The following STX2 variants were observed in gnomAD, a reference collection of about 807,000 sequenced individuals.
STX2 encodes syntaxin-2.
STX2 carries 27 observed loss-of-function variants against 40.6 expected under a neutral mutation model. The observed-to-expected ratio is 0.66, with a 90% CI of 0.49 to 0.92. The LOEUF (loss-of-function observed/expected upper bound fraction) is 0.92. Among genes scored for constraint, STX2 ranks in the 40% least tolerant of loss-of-function variants. STX2 has a pLI of 0.00. For synonymous variants in STX2, 123 were observed against 119.1 expected, an observed-to-expected ratio of 1.03 and a Z score of -0.22; for missense variants, 328 against 366.1, an observed-to-expected ratio of 0.90 and a Z score of 0.85.
intron 9 of STX2, among the ~76,000 whole-genome samples, chr12:130,796,834 G>C (rs1192730796): frequency 6.6e-6 from 1 of 152,046 alleles, no homozygotes; most frequent in African/African-American, 2.4e-5. Context: ...GTTCTTGGCA[G>C]TTACTTCTTC....
In STX2 at chr12:130,839,210, C is replaced by G. The variant is rs1243651144; in HGVS notation, c.-111G>C. 4.1e-6 allele frequency: 4 copies of G among 975,082 alleles called. No individual in the cohort carries two copies. The African/African-American group carries it at 5.2e-5, about 13-fold the overall frequency. 60.4% of individuals were successfully genotyped at this position (975,082 alleles called of 1,614,324 possible). ...CAGGCCCCGCGGTCCCGGCCCGGCG[C>G]CAGCAGCCCTCCCTGGAGCCGGCGC... On this transcript the variant is annotated 5_prime_UTR_variant, in exon 1 of 11. Transcript: ENST00000392373.
chr12:130,821,765 AAT>A lies in STX2; in HGVS notation c.127_128del (p.Ile43Ter). ...CTTCAACATATTGAGTTATTTTATC[AAT>A]ACTGTTTCTAATCTCCTCCACCTAG... Reference protein sequence around the residue: ...FHQVEEIRNSIDKITQYVEEV... With the variant: ...FHQVEEIRNSXDKITQYVEEV... On this transcript the variant is annotated frameshift_variant, in exon 3 of 11. Coordinates refer to ENST00000392373, the MANE Select transcript of STX2 (RefSeq NM_194356.4). LOFTEE classifies it high-confidence loss of function. 6.2e-7 allele frequency: 1 copy of A among 1,612,740 alleles called. No individual in the cohort carries two copies.
At position 130,798,534 on chromosome 12, in the gene STX2, C is replaced by A. The variant is rs1419554130; in HGVS notation, c.777G>T (p.Lys259Asn). The A allele has an allele frequency of 1.9e-6, 3 of 1,599,052 alleles. No individual in the cohort carries two copies. The highest frequency in any genetic ancestry group is 2.6e-6 in the Non-Finnish European group (3 of 1,175,842). The part of the protein sequence containing the change: ...ETKKAIKYQS[K>N]ARRKKWIIIA... ...TCGAAGCCAAACTCACCCTTCTTGC[C>A]TTGCTCTGATATTTGATAGCTTTTT... The change falls in exon 9 of 11, where the codon AAG becomes AAT. Residue 259 changes from lysine to asparagine, a missense_variant. By Grantham distance (94) the Lys-to-Asn change is moderately conservative. Coordinates refer to ENST00000392373, the MANE Select transcript of STX2 (RefSeq NM_194356.4).
In STX2 at chr12:130,827,241, T is replaced by C. The variant is rs202144046; in HGVS notation, c.57A>G (p.Thr19=). 28 of 1,613,782 alleles carry C rather than the reference T, an allele frequency of 1.7e-5. No homozygotes were observed. The Admixed American group carries it at 4.5e-4, about 26-fold the overall frequency. Residue 19 remains threonine, a synonymous_variant, in exon 2 of 11, where the codon ACA becomes ACG. Transcript: ENST00000392373. ...AATGATCTTTCTCAACCACAACAAC[T>C]GTGTCTCCATCATCATTCTTCCTAC... ...TACRKNDDGD[T]VVVVEKDHFM...
chr12:130,825,079 C>T (rs943427725), intron 2 of STX2, among the ~76,000 whole-genome samples: 3 of 151,532 alleles, frequency 2.0e-5, no homozygotes, highest in Non-Finnish European at 4.4e-5. Context: ...GCTGTTGCCC[C>T]AAGCCGGGGT....
chr12:130,791,839 G>T lies in STX2; in HGVS notation c.*184C>A. ...AGATTCATTCACGAAATGACAGGAT[G>T]CTGATTTGGTTGCAGATGTGGTCTG... On this transcript the variant is annotated 3_prime_UTR_variant, in exon 11 of 11. Transcript: ENST00000392373. 2.1e-6 allele frequency: 3 copies of T among 1,397,206 alleles called. No homozygotes were observed. Among genetic ancestry groups the T allele is most frequent in the Non-Finnish European group, 3.0e-6 (3 of 987,022 alleles). The allele number at this position is 1,397,206 out of a possible 1,614,324, so 86.6% of individuals were successfully genotyped here.
chr12:130,821,632 A>G, intron 3 of STX2, 57 bp downstream of exon 3: 1 of 1,400,636 alleles, frequency 7.1e-7, no homozygotes, highest in South Asian at 1.2e-5. Flanking sequence ...TGTGCCGCAG[A>G]CAGCCAGAGG....
chr12:130,811,012 A>G (rs1358650563), intron 4 of STX2: 1 of 152,182 alleles, frequency 6.6e-6, no homozygotes, highest in Non-Finnish European at 1.5e-5. Flanking sequence ...CAAACTACCC[A>G]ATTCAAGAGT....
In STX2 at chr12:130,793,009, G is replaced by A. The variant is rs77795331; in HGVS notation, c.*46-1032C>T. Reference sequence around the variant, plus strand: ...CACAACAGGAGGCACCGCGCTGTAGGACTTTGAGTTCTCTTTTTGAACAGC... The same window carrying A: ...CACAACAGGAGGCACCGCGCTGTAGAACTTTGAGTTCTCTTTTTGAACAGC... On this transcript the variant is annotated intron_variant, in intron 10 of 10. Coordinates refer to ENST00000392373, the MANE Select transcript of STX2 (RefSeq NM_194356.4). Among the ~76,000 whole-genome samples, 679 of 152,332 alleles carry A rather than the reference G, an allele frequency of 4.5e-3. 9 individuals carry two copies. Among genetic ancestry groups the A allele is most frequent in the African/African-American group, 0.016 (651 of 41,572 alleles).
At chr12:130,801,556 C>T in intron 6 of STX2, 68 bp from the exon 7 acceptor site, 1 of 1,446,814 alleles carries the variant, frequency 6.9e-7, no homozygotes, top group Non-Finnish European at 9.2e-7. Flanking sequence ...CATTTGCAAC[C>T]ATAAGTTAGC....
Position 130,796,102 on chromosome 12 carries a change from C to T in STX2, c.805G>A (p.Ala269Thr). Reference protein sequence around the residue: ...KARRKKWIIIAVSVVLVAIIA... With the variant: ...KARRKKWIIITVSVVLVAIIA... ...ATGGCAACCAGAACCACTGACACAG[C>T]AATAATTATCCACTTTTTCTGTCAA... The change falls in exon 10 of 11, where the codon GCT becomes ACT. Residue 269 changes from alanine to threonine, a missense_variant. Coordinates refer to ENST00000392373, the MANE Select transcript of STX2 (RefSeq NM_194356.4). The T allele has an allele frequency of 6.2e-7, 1 of 1,613,780 alleles. No individual in the cohort carries two copies. Among genetic ancestry groups the T allele is most frequent in the Non-Finnish European group, 8.5e-7 (1 of 1,179,856 alleles).
At chr12:130,826,378 C>T (rs763504649) in intron 2 of STX2, among the ~76,000 whole-genome samples, 54 of 152,302 alleles carry the variant, frequency 3.5e-4, no homozygotes, top group Middle Eastern at 3.4e-3. Context: ...TCTTAAGGGG[C>T]GCCGCAGGAC....
In STX2 at chr12:130,808,628, A is replaced by C; in HGVS notation, c.354+3T>G. 1 of 1,612,328 alleles carries C rather than the reference A, an allele frequency of 6.2e-7. No individual in the cohort carries two copies. The highest frequency in any genetic ancestry group is 8.5e-7 in the Non-Finnish European group (1 of 1,179,574). On this transcript the variant is annotated splice_donor_region_variant and intron_variant, in intron 5 of 10. Transcript: ENST00000392373. ...TTTAATCTAAACGAGGCTGATAGCA[A>C]ACCTGGGTTCTTCGTATCCGAAGAT...
chr12:130,794,877 G>C (rs1291027419), intron 10 of STX2, among the ~76,000 whole-genome samples: 1 of 152,158 alleles, frequency 6.6e-6, no homozygotes, highest in African/African-American at 2.4e-5. Flanking sequence ...CCACACTCTA[G>C]ACACCTGGGA....
In STX2 at chr12:130,818,188, ATATATATATAT is replaced by A. The variant is rs1565924675; in HGVS notation, c.205+3490_205+3500del. Among the ~76,000 whole-genome samples the A allele has an allele frequency of 6.8e-4, 45 of 66,236 alleles. 2 individuals are homozygous for A. The highest frequency in any genetic ancestry group is 2.2e-3 in the Admixed American group (13 of 5,926). The allele number at this position is 66,236 out of a possible 152,430, so 43.5% of individuals were successfully genotyped here. On this transcript the variant is annotated intron_variant, in intron 3 of 10. Transcript: ENST00000392373. ...GTTTCTACAAAAAAAAAAAAAAAAT[ATATATATATAT>A]ATATATATATATATATATAAAATTA...
Position 130,811,597 on chromosome 12 carries a change from T to C in STX2, c.280+1360A>G, listed in dbSNP as rs1284614770. Among the ~76,000 whole-genome samples, 4 of 138,544 alleles carry C rather than the reference T, an allele frequency of 2.9e-5. No homozygotes were observed. The East Asian group carries it at 6.3e-4, about 22-fold the overall frequency. The allele number at this position is 138,544 out of a possible 152,430, so 90.9% of individuals were successfully genotyped here. A position where few individuals can be genotyped will look rare whatever the true frequency, so the allele number is the denominator to read the frequency against. ...CTCTGTCGCCCAGGCTGGAGTGCAG[T>C]GGCGTGATCTCGGCTCACTGCAAGC... On this transcript the variant is annotated intron_variant, in intron 4 of 10. Transcript: ENST00000392373.
chr12:130,808,457 A>C (rs1565913960), intron 5 of STX2, among the ~76,000 whole-genome samples, 174 bp downstream of exon 5: 1 of 152,234 alleles, frequency 6.6e-6, no homozygotes, highest in Non-Finnish European at 1.5e-5. Context: ...CAACTTTGGC[A>C]AAATAAACCT....
At chr12:130,825,968 T>C (rs1952287246) in intron 2 of STX2, among the ~76,000 whole-genome samples, 1 of 152,216 alleles carries the variant, frequency 6.6e-6, no homozygotes, top group Non-Finnish European at 1.5e-5. Flanking sequence ...TTCTTAGGTT[T>C]GAGAATTTCA....
chr12:130,838,404 C>T lies in STX2; in HGVS notation c.30+666G>A, dbSNP rs560377229. 2.6e-5 allele frequency among the ~76,000 whole-genome samples: 4 copies of T among 152,254 alleles called. No homozygotes were observed. The South Asian group carries it at 8.3e-4, about 32-fold the overall frequency. On this transcript the variant is annotated intron_variant, in intron 1 of 10. Coordinates refer to ENST00000392373, the MANE Select transcript of STX2 (RefSeq NM_194356.4). ...AGTAAACAGTAACTTGCTGTGTGCC[C>T]GGCTGCTGGGCGCGTAAGGTGCGTT...
Sources: allele counts gnomAD v4.1 joint callset (sites outside exome capture counted in the v4.1 genomes callset), GRCh38; gene constraint gnomAD v4.1.1; transcripts MANE v1.5; gene names NCBI Gene and HGNC (gene_info 2026-07-23, HGNC 2026-07-21).